The following SNTG1 variants were observed in gnomAD, a reference collection of about 807,000 sequenced individuals.
The protein encoded by SNTG1 is syntrophin gamma 1.
Under a neutral mutation model 74.7 loss-of-function variants are expected in SNTG1, and 39 were observed. That is an observed-to-expected ratio of 0.52 (90% CI 0.40 to 0.68). The LOEUF (loss-of-function observed/expected upper bound fraction) is 0.68. Ranked by LOEUF, SNTG1 falls within the 30% of genes least tolerant of loss-of-function variation. The probability of loss-of-function intolerance (pLI) is 0.00; values close to 1 mark genes in which losing one functional copy is unlikely to be tolerated. For synonymous variants in SNTG1, 254 were observed against 217.1 expected (o/e 1.17, Z -1.49); for missense variants, 685 against 609.5 (o/e 1.12, Z -1.30).
intron 11 of SNTG1, among the ~76,000 whole-genome samples, chr8:50,539,705 C>A (rs545137436): frequency 6.6e-6 from 1 of 152,150 alleles, no homozygotes; most frequent in Non-Finnish European, 1.5e-5. Flanking sequence ...GTCCATGACA[C>A]CCCACTGACA....
chr8:50,740,054 A>T (rs1386151070), intron 17 of SNTG1, among the ~76,000 whole-genome samples: 1 of 152,124 alleles, frequency 6.6e-6, no homozygotes, highest in East Asian at 1.9e-4. Context: ...TTCTAGACAT[A>T]GGACTGGGCA....
At chr8:50,105,647 C>G (rs1019629631) in intron 1 of SNTG1, among the ~76,000 whole-genome samples, 2 of 151,980 alleles carry the variant, frequency 1.3e-5, no homozygotes, top group African/African-American at 4.8e-5. Context: ...TTGACAGCAT[C>G]AATTCTTCCT....
chr8:50,095,693 A>G (rs1474739161), intron 1 of SNTG1, among the ~76,000 whole-genome samples: 3 of 152,176 alleles, frequency 2.0e-5, no homozygotes, highest in Admixed American at 6.5e-5. Context: ...ATGTTGTACT[A>G]GAATATGTTT....
intron 13 of SNTG1, among the ~76,000 whole-genome samples, chr8:50,596,470 A>AT (rs755064010): frequency 2.7e-4 from 41 of 152,044 alleles, no homozygotes; most frequent in Non-Finnish European, 4.6e-4. Flanking sequence ...CACTTGTTTC[A>AT]AAAGTGAGGT....
At chr8:50,198,105 T>C (rs796450411) in intron 2 of SNTG1, among the ~76,000 whole-genome samples, 5 of 152,096 alleles carry the variant, frequency 3.3e-5, no homozygotes, top group African/African-American at 1.2e-4. Flanking sequence ...CCATATCAGA[T>C]AGCAGCCTGT....
chr8:50,105,913 G>T (rs919564573), intron 1 of SNTG1, among the ~76,000 whole-genome samples: 3 of 151,978 alleles, frequency 2.0e-5, no homozygotes, highest in Admixed American at 6.6e-5. Flanking sequence ...TTGTTTATCA[G>T]ATCTGGAAGC....
intron 9 of SNTG1, among the ~76,000 whole-genome samples, chr8:50,508,739 T>C (rs2094034114): frequency 6.6e-6 from 1 of 152,236 alleles, no homozygotes. Context: ...TATCTGTCCA[T>C]ATCTTTCACC....
At chr8:49,999,464 T>C (rs1814546141) in intron 1 of SNTG1, among the ~76,000 whole-genome samples, 1 of 152,190 alleles carries the variant, frequency 6.6e-6, no homozygotes, top group African/African-American at 2.4e-5. Context: ...ACAGTGATCT[T>C]GTTATAATAA....
chr8:50,678,582 C>T (rs575157203), intron 15 of SNTG1, among the ~76,000 whole-genome samples: 1 of 151,918 alleles, frequency 6.6e-6, no homozygotes, highest in African/African-American at 2.4e-5. Context: ...GTAAGTTATA[C>T]AATTTCATTT....
At chr8:50,509,763 T>C (rs1458856630) in intron 9 of SNTG1, among the ~76,000 whole-genome samples, 1 of 152,136 alleles carries the variant, frequency 6.6e-6, no homozygotes, top group Non-Finnish European at 1.5e-5. Flanking sequence ...TGCACATTGA[T>C]TTTGTATCCT....
chr8:50,416,161 A>G (rs1563356147), intron 4 of SNTG1, among the ~76,000 whole-genome samples: 1 of 152,214 alleles, frequency 6.6e-6, no homozygotes, highest in Admixed American at 6.5e-5. Flanking sequence ...TTAAACTTGT[A>G]TAATCATCAG....
At chr8:50,494,994 C>T (rs1414345137) in intron 8 of SNTG1, among the ~76,000 whole-genome samples, 1 of 152,006 alleles carries the variant, frequency 6.6e-6, no homozygotes, top group Non-Finnish European at 1.5e-5. Context: ...AGAGCTGAAA[C>T]TGCATTCTTA....
intron 17 of SNTG1, among the ~76,000 whole-genome samples, chr8:50,718,438 C>T (rs2095479944): frequency 6.6e-6 from 1 of 152,160 alleles, no homozygotes; most frequent in Non-Finnish European, 1.5e-5. Context: ...ACATTTGTTT[C>T]TCGTGCTTCT....
intron 2 of SNTG1, among the ~76,000 whole-genome samples, chr8:50,189,399 G>C (rs1056677879): frequency 3.3e-5 from 5 of 152,148 alleles, no homozygotes; most frequent in South Asian, 2.1e-4. Flanking sequence ...CAGAGTTTCT[G>C]ATTCGGTAGA....
chr8:50,112,519 T>G (rs1054645734), intron 1 of SNTG1, among the ~76,000 whole-genome samples: 2 of 130,434 alleles, frequency 1.5e-5, no homozygotes, highest in African/African-American at 6.0e-5. Flanking sequence ...TTCTTTCTTT[T>G]TTTTTTTTTT....
At chr8:50,075,892 G>A (rs1268795325) in intron 1 of SNTG1, among the ~76,000 whole-genome samples, 2 of 152,106 alleles carry the variant, frequency 1.3e-5, no homozygotes, top group African/African-American at 2.4e-5. Flanking sequence ...CTCCGAACAC[G>A]TCAGAACATC....
At chr8:50,120,552 C>T (rs2080963450) in intron 1 of SNTG1, among the ~76,000 whole-genome samples, 1 of 99,590 alleles carries the variant, frequency 1.0e-5, no homozygotes, top group Non-Finnish European at 2.1e-5. Context: ...ATGATAACTA[C>T]TACTACTACC....
At chr8:49,975,769 A>G (rs6989389) in intron 1 of SNTG1, among the ~76,000 whole-genome samples, 118,322 of 146,990 alleles carry the variant, frequency 0.8, 47,789 homozygotes, top group East Asian at 0.99. Context: ...ATATATATAT[A>G]TGTGTGTGTG....
At chr8:50,219,521 G>A (rs2084955814) in intron 2 of SNTG1, among the ~76,000 whole-genome samples, 1 of 152,146 alleles carries the variant, frequency 6.6e-6, no homozygotes, top group Non-Finnish European at 1.5e-5. Flanking sequence ...TCCACAGGTT[G>A]TACAGGAAGC....
Sources: gnomAD v4.1 joint callset for allele counts (sites outside exome capture counted in the v4.1 genomes callset) on GRCh38, gnomAD v4.1.1 for gene constraint, MANE v1.5 for transcripts, NCBI Gene and HGNC (gene_info 2026-07-23, HGNC 2026-07-21) for gene names.